UBXN2A: variants seen among roughly 807,000 people sequenced by gnomAD.
UBXN2A encodes UBX domain protein 2A.
A neutral mutation model predicts 28.4 loss-of-function variants in UBXN2A; 28 were observed. The ratio of observed to expected loss-of-function variants is 0.99; its 90% CI spans 0.73 to 1.35. UBXN2A has a LOEUF of 1.35. Among genes scored for constraint, UBXN2A ranks in the 40% most tolerant of loss-of-function variants. UBXN2A has a pLI of 0.00. For missense variants in UBXN2A, 253 were observed against 297.9 expected (o/e 0.85, Z 1.11); for synonymous variants, 97 against 103.6 (o/e 0.94, Z 0.39).
At chr2:23,969,955 C>T (rs1010689018) in intron 2 of UBXN2A, among the ~76,000 whole-genome samples, 3 of 152,098 alleles carry the variant, frequency 2.0e-5, no homozygotes, top group Non-Finnish European at 4.4e-5. Context: ...ACCAAAAAAA[C>T]GCATAGTAAT....
At chr2:23,986,918 C>CT (rs150923975) in intron 6 of UBXN2A, among the ~76,000 whole-genome samples, 11,949 of 151,424 alleles carry the variant, frequency 0.079, 600 homozygotes, top group South Asian at 0.12. Context: ...TTCTTAAAAG[C>CT]TTTTTTTTGG....
intron 3 of UBXN2A, among the ~76,000 whole-genome samples, chr2:23,972,417 A>T (rs1707457759): frequency 6.6e-6 from 1 of 152,234 alleles, no homozygotes; most frequent in Non-Finnish European, 1.5e-5. Flanking sequence ...CTCTGGTCGC[A>T]AGCATTTCAG....
intron 1 of UBXN2A, among the ~76,000 whole-genome samples, chr2:23,952,909 TC>T (rs1706443968): frequency 6.6e-6 from 1 of 151,702 alleles, no homozygotes; most frequent in Non-Finnish European, 1.5e-5. Context: ...TGTGAAAAAG[TC>T]ATTGATTTTT....
chr2:23,971,870 A>G (rs1171173667), intron 3 of UBXN2A, among the ~76,000 whole-genome samples: 1 of 152,050 alleles, frequency 6.6e-6, no homozygotes, highest in Non-Finnish European at 1.5e-5. Flanking sequence ...AGACTGAGGC[A>G]GGAGGATCAC....
intron 1 of UBXN2A, among the ~76,000 whole-genome samples, chr2:23,942,148 G>T (rs1573530088): frequency 6.6e-6 from 1 of 152,110 alleles, no homozygotes; most frequent in South Asian, 2.1e-4. Context: ...CTAAAATAAA[G>T]AATGTAAGTT....
intron 3 of UBXN2A, among the ~76,000 whole-genome samples, chr2:23,972,996 A>G (rs975613595): frequency 2.0e-5 from 3 of 152,118 alleles, no homozygotes; most frequent in African/African-American, 4.8e-5. Context: ...TTTTCATGGC[A>G]TATTGTTTCT....
chr2:23,940,110 CAAA>C (rs70941601), upstream of UBXN2A, among the ~76,000 whole-genome samples: 15 of 104,034 alleles, frequency 1.4e-4, no homozygotes, highest in African/African-American at 4.3e-4. Context: ...GATTTAGTCT[CAAA>C]AAAAAAAAAA....
chr2:23,946,381 C>T (rs1044660971), intron 1 of UBXN2A, among the ~76,000 whole-genome samples: 3 of 151,210 alleles, frequency 2.0e-5, no homozygotes, highest in Non-Finnish European at 2.9e-5. Flanking sequence ...AGTGCAGTGG[C>T]GTGATCTCGG....
At chr2:23,944,351 A>G (rs1705931495) in intron 1 of UBXN2A, 1 of 1,567,890 alleles carries the variant, frequency 6.4e-7, no homozygotes, top group Non-Finnish European at 8.8e-7. Context: ...CAGCTGTGTG[A>G]AGAACTGAGG....
chr2:23,955,485 A>C (rs777992947), intron 1 of UBXN2A, among the ~76,000 whole-genome samples: 2 of 152,082 alleles, frequency 1.3e-5, no homozygotes, highest in Non-Finnish European at 2.9e-5. Context: ...AAACATTTTA[A>C]ATCTTGTATA....
intron 1 of UBXN2A, among the ~76,000 whole-genome samples, chr2:23,953,031 T>C (rs565572391): frequency 6.6e-5 from 10 of 152,256 alleles, no homozygotes; most frequent in African/African-American, 2.4e-4. Context: ...TAGTCATTAG[T>C]TTAAATGTGG....
intron 1 of UBXN2A, among the ~76,000 whole-genome samples, chr2:23,956,116 G>A (rs1218899554): frequency 5.3e-5 from 8 of 151,474 alleles, no homozygotes; most frequent in Non-Finnish European, 4.4e-5. Flanking sequence ...CAACTGCCTC[G>A]GCCTCCCAAA....
At chr2:23,991,613 G>A (rs1234947569) in intron 6 of UBXN2A, among the ~76,000 whole-genome samples, 1 of 151,552 alleles carries the variant, frequency 6.6e-6, no homozygotes, top group Admixed American at 6.6e-5. Context: ...GGGATCACAG[G>A]CGCCTATCAC....
chr2:23,930,482 G>C (rs1705334857), intron 1 of UBXN2A, among the ~76,000 whole-genome samples: 3 of 152,204 alleles, frequency 2.0e-5, no homozygotes, highest in African/African-American at 7.2e-5. Flanking sequence ...TTCCAGCAGG[G>C]ATTTTAGGGA....
rs1041230595 is a variant in UBXN2A at position 24,002,827 on chromosome 2, G to A, written c.*2960G>A. ...TTCTCATGTCTTCTACATTCAGTCT[G>A]TTGTGCAGTCACATATCATGTAGAC... On this transcript the variant is annotated 3_prime_UTR_variant, in exon 7 of 7. Coordinates refer to ENST00000309033, the MANE Select transcript of UBXN2A (RefSeq NM_181713.4). 1 of 152,196 alleles carries A rather than the reference G, an allele frequency of 6.6e-6. No individual in the cohort carries two copies. The highest frequency in any genetic ancestry group is 2.4e-5 in the African/African-American group (1 of 41,450). 9.4% of individuals were successfully genotyped at this position (152,196 alleles called of 1,614,324 possible).
chr2:23,973,176 T>G (rs1453538042), intron 3 of UBXN2A, among the ~76,000 whole-genome samples: 1 of 146,540 alleles, frequency 6.8e-6, no homozygotes, highest in African/African-American at 2.5e-5. Flanking sequence ...CGCACCACCA[T>G]GCCTAGCTAA....
rs57701448 is a variant in UBXN2A, at chr2:23,951,413, G to GATAT, written c.-14-6840_-14-6837dup. 2.5e-3 allele frequency among the ~76,000 whole-genome samples: 272 copies of GATAT among 109,620 alleles called. 3 individuals are homozygous for GATAT. The highest frequency in any genetic ancestry group is 3.0e-3 in the African/African-American group (73 of 24,290). The allele number at this position is 109,620 out of a possible 152,430, so 71.9% of individuals were successfully genotyped here. A position where few individuals can be genotyped will look rare whatever the true frequency, so the allele number is the denominator to read the frequency against. On this transcript the variant is annotated intron_variant, in intron 1 of 6. Transcript: ENST00000309033. ...ATTATAATTGATATACAGTAAGATG[G>GATAT]ATATATATATATATATATATATATA...
In UBXN2A at chr2:23,974,015, A is replaced by AT. The variant is rs1707537689; in HGVS notation, c.180+2601_180+2602insT. 4.9e-5 allele frequency among the ~76,000 whole-genome samples: 5 copies of AT among 101,472 alleles called. No homozygotes were observed. The Admixed American group carries it at 6.7e-4, about 14-fold the overall frequency. 66.6% of individuals were successfully genotyped at this position (101,472 alleles called of 152,430 possible). A position where few individuals can be genotyped will look rare whatever the true frequency, so the allele number is the denominator to read the frequency against. On this transcript the variant is annotated intron_variant, in intron 3 of 6. Coordinates refer to ENST00000309033, the MANE Select transcript of UBXN2A (RefSeq NM_181713.4). Reference sequence around the variant, plus strand: ...CTTATAGTAGCTGTTGAAAATGATTAATTTTTTTTTTTTTTTTGAGACGGA... The same window carrying AT: ...CTTATAGTAGCTGTTGAAAATGATTATATTTTTTTTTTTTTTTTGAGACGGA...
intron 1 of UBXN2A, among the ~76,000 whole-genome samples, chr2:23,950,864 C>A (rs1706330294): frequency 6.6e-6 from 1 of 151,538 alleles, no homozygotes; most frequent in South Asian, 2.1e-4. Flanking sequence ...CCACCACACC[C>A]ATGCGTGGTT....
Sources: allele counts gnomAD v4.1 joint callset (sites outside exome capture counted in the v4.1 genomes callset), GRCh38; gene constraint gnomAD v4.1.1; transcripts MANE v1.5; gene names NCBI Gene and HGNC (gene_info 2026-07-23, HGNC 2026-07-21).